The following PCDH8 variants were observed in gnomAD, a reference collection of about 807,000 sequenced individuals.
PCDH8 encodes protocadherin-8.
Under a neutral mutation model 58.2 loss-of-function variants are expected in PCDH8, and 36 were observed. That is an observed-to-expected ratio of 0.62 (90% CI 0.47 to 0.82). PCDH8 has a LOEUF of 0.82. Ranked by LOEUF, PCDH8 falls within the 40% of genes least tolerant of loss-of-function variation. The pLI, the probability that PCDH8 is intolerant of heterozygous loss-of-function variation, is 0.00. For missense variants in PCDH8, 1,493 were observed against 1,567.8 expected (o/e 0.95, Z 0.81); for synonymous variants, 775 against 728.9 (o/e 1.06, Z -1.02).
rs766623736 is a variant in PCDH8 at position 52,844,763 on chromosome 13, A to G, written c.3010T>C (p.Tyr1004His). 1.2e-6 allele frequency: 2 copies of G among 1,613,432 alleles called. No individual in the cohort carries two copies. The part of the protein sequence containing the change: ...PRDPLRRDNY[Y>H]QAQLPKTVGL... ...ACTGTCTTGGGCAGCTGGGCCTGGT[A>G]GTAATTGTCCCTGCGCAGAGGATCC... Residue 1004 changes from tyrosine (Y) to histidine (H), a missense_variant, in exon 3 of 3, where the codon TAC becomes CAC. This residue lies in a region of PCDH8 where 182 missense variants were observed against 178.9 expected (regional missense o/e 1.02). Transcript: ENST00000377942.
chr13:52,844,946 G>A lies in PCDH8; in HGVS notation c.2840-13C>T. On this transcript the variant is annotated splice_polypyrimidine_tract_variant and intron_variant, in intron 2 of 2. Transcript: ENST00000377942. Reference sequence around the variant, plus strand: ...CACGCCCACAGTCCTAATACGAAAGGGAAAAGGAAACAGCATGACGATTAT... The same window carrying A: ...CACGCCCACAGTCCTAATACGAAAGAGAAAAGGAAACAGCATGACGATTAT... 1 of 1,510,072 alleles carries A rather than the reference G, an allele frequency of 6.6e-7. No individual in the cohort carries two copies. Among genetic ancestry groups the A allele is most frequent in the Non-Finnish European group, 8.9e-7 (1 of 1,129,926 alleles). 93.5% of individuals were successfully genotyped at this position (1,510,072 alleles called of 1,614,324 possible).
chr13:52,846,704 C>T lies in PCDH8; in HGVS notation c.1733G>A (p.Arg578His). The T allele has an allele frequency of 6.3e-7, 1 of 1,598,004 alleles. No individual in the cohort carries two copies. The highest frequency in any genetic ancestry group is 1.1e-5 in the South Asian group (1 of 89,676). ...GGAGCCGCCGTCGCTAGCTTGGATG[C>T]GAACGTCGAGTTGGCGCAGCGTCTC... is the stretch of plus-strand genomic sequence containing the variant. ...DYETLRQLDV[R>H]IQASDGGSPQ... Residue 578 changes from arginine (R) to histidine (H), a missense_variant, in exon 1 of 3, where the codon CGC (arginine) becomes CAC (histidine). Around this residue, in one of 3 missense-constraint regions of PCDH8, gnomAD observed 1,307 missense variants for 1,362.7 expected, o/e 0.96. Transcript: ENST00000377942.
chr13:52,847,275 C>A lies in PCDH8; in HGVS notation c.1162G>T (p.Ala388Ser). The A allele has an allele frequency of 7.3e-7, 1 of 1,379,222 alleles. No homozygotes were observed. The highest frequency in any genetic ancestry group is 9.3e-7 in the Non-Finnish European group (1 of 1,072,874). The allele number at this position is 1,379,222 out of a possible 1,614,324, so 85.4% of individuals were successfully genotyped here. ...ALGGADASSP[A>S]GAGTPEAGAT... The stretch of plus-strand genomic sequence containing the variant: ...CCAGCCTCCGGCGTCCCGGCTCCCG[C>A]CGGCGAGCTAGCGTCCGCTCCCCCG... The change falls in exon 1 of 3, where the codon GCG becomes TCG. Residue 388 changes from alanine to serine, a missense_variant. Around this residue, in one of 3 missense-constraint regions of PCDH8, gnomAD observed 1,307 missense variants for 1,362.7 expected, o/e 0.96. Coordinates refer to ENST00000377942, the MANE Select transcript of PCDH8 (RefSeq NM_002590.4).
rs1566265304 is a variant in PCDH8 at position 52,846,525 on chromosome 13, C to A, written c.1912G>T (p.Ala638Ser). Residue 638 changes from alanine to serine, a missense_variant, in exon 1 of 3, where the codon GCC (alanine) becomes TCC (serine). Ala to Ser is a moderately conservative substitution (Grantham distance 99, BLOSUM62 1). Coordinates refer to ENST00000377942, the MANE Select transcript of PCDH8 (RefSeq NM_002590.4). ...TTGGCTCCCTCGTCTGCATCCCGGGCCTGCACACGGGCCACAACCGTGTCC... is the reference window on the plus strand; with the variant it reads ...TTGGCTCCCTCGTCTGCATCCCGGGACTGCACACGGGCCACAACCGTGTCC... ...AKDTVVARVQARDADEGANGE... is the reference protein window; with the variant it reads ...AKDTVVARVQSRDADEGANGE... The A allele has an allele frequency of 6.3e-7, 1 of 1,597,674 alleles. No individual in the cohort carries two copies. The highest frequency in any genetic ancestry group is 1.7e-5 in the Admixed American group (1 of 59,758).
chr13:52,844,596 G>C lies in PCDH8; in HGVS notation c.3177C>G (p.Tyr1059Ter). ...VPLYQSPPGRYLSPKKGANEN... is the reference protein window; with the variant it reads ...VPLYQSPPGR ...CATTGGCTCCCTTCTTCGGGGACAG[G>C]TACCTGCCAGGAGGGGACTGGTAGA... is the stretch of plus-strand genomic sequence containing the variant. The change falls in exon 3 of 3, where the codon TAC becomes TAG. Residue 1059 changes from tyrosine to a stop codon, truncating the protein, a stop_gained. Transcript: ENST00000377942. LOFTEE classifies it high-confidence loss of function. 1.9e-6 allele frequency: 3 copies of C among 1,606,138 alleles called. No homozygotes were observed. Among genetic ancestry groups the C allele is most frequent in the Non-Finnish European group, 2.6e-6 (3 of 1,175,630 alleles).
chr13:52,844,084 G>C lies in PCDH8; in HGVS notation c.*476C>G, dbSNP rs545192193. The C allele has an allele frequency of 6.5e-6, 1 of 152,826 alleles. No individual in the cohort carries two copies. The highest frequency in any genetic ancestry group is 2.4e-5 in the African/African-American group (1 of 41,564). 9.5% of individuals were successfully genotyped at this position (152,826 alleles called of 1,614,324 possible). On this transcript the variant is annotated 3_prime_UTR_variant, in exon 3 of 3. Coordinates refer to ENST00000377942, the MANE Select transcript of PCDH8 (RefSeq NM_002590.4). The stretch of plus-strand genomic sequence containing the variant: ...AACTTGAAATCTACCACAGAGTCAA[G>C]ATATACAAGTTATACTTGGCAAGGC...
chr13:52,846,873 G>C lies in PCDH8; in HGVS notation c.1564C>G (p.Arg522Gly). The change falls in exon 1 of 3, where the codon CGC (arginine) becomes GGC (glycine). Residue 522 changes from arginine (R) to glycine (G), a missense_variant. Physicochemically the swap from Arg to Gly is moderately radical, Grantham distance 125 (BLOSUM62 -2). Transcript: ENST00000377942. The part of the protein sequence containing the change: ...PGAYLATVAA[R>G]DRDLGRNGQV... ...CCGTTGCGGCCCAGGTCCCGGTCGCGGGCGGCCACCGTGGCCAGGTAGGCG... is the reference window on the plus strand; with the variant it reads ...CCGTTGCGGCCCAGGTCCCGGTCGCCGGCGGCCACCGTGGCCAGGTAGGCG... 1 of 1,553,070 alleles carries C rather than the reference G, an allele frequency of 6.4e-7. No individual in the cohort carries two copies. Among genetic ancestry groups the C allele is most frequent in the South Asian group, 1.2e-5 (1 of 85,290 alleles).
In PCDH8 at chr13:52,847,250, C is replaced by G; in HGVS notation, c.1187G>C (p.Gly396Ala). ...SPAGAGTPEAGATSLVPEGAA... is the reference protein window; with the variant it reads ...SPAGAGTPEAAATSLVPEGAA... ...CCCCTCCGGCACCAGCGAAGTGGCA[C>G]CAGCCTCCGGCGTCCCGGCTCCCGC... is the stretch of plus-strand genomic sequence containing the variant. The change falls in exon 1 of 3, where the codon GGT becomes GCT. Residue 396 changes from glycine to alanine, a missense_variant. Gly to Ala is a moderately conservative substitution (Grantham distance 60). Coordinates refer to ENST00000377942, the MANE Select transcript of PCDH8 (RefSeq NM_002590.4). The G allele has an allele frequency of 7.2e-7, 1 of 1,383,480 alleles. No individual in the cohort carries two copies. The highest frequency in any genetic ancestry group is 9.3e-7 in the Non-Finnish European group (1 of 1,075,532). The allele number at this position is 1,383,480 out of a possible 1,614,324, so 85.7% of individuals were successfully genotyped here.
Position 52,847,004 on chromosome 13 carries a change from C to T in PCDH8, c.1433G>A (p.Arg478His). 1.9e-6 allele frequency: 3 copies of T among 1,573,842 alleles called. No homozygotes were observed. Among genetic ancestry groups the T allele is most frequent in the African/African-American group, 1.4e-5 (1 of 72,850 alleles). Reference sequence around the variant, plus strand: ...ACGCACCGTGTAGGGCCGCACTGTGCGCAGCGGGGGCGCGCCGCGATCCTC... The same window carrying T: ...ACGCACCGTGTAGGGCCGCACTGTGTGCAGCGGGGGCGCGCCGCGATCCTC... Reference protein sequence around the residue: ...VAEDRGAPPLRTVRPYTVRVG... With the variant: ...VAEDRGAPPLHTVRPYTVRVG... Residue 478 changes from arginine (R) to histidine (H), a missense_variant, in exon 1 of 3, where the codon CGC (arginine) becomes CAC (histidine). Coordinates refer to ENST00000377942, the MANE Select transcript of PCDH8 (RefSeq NM_002590.4).
rs2138352336 is a variant in PCDH8 at position 52,844,887 on chromosome 13, G to A, written c.2886C>T (p.Asp962=). 1 of 1,574,174 alleles carries A rather than the reference G, an allele frequency of 6.4e-7. No homozygotes were observed. Among genetic ancestry groups the A allele is most frequent in the African/African-American group, 1.3e-5 (1 of 74,352 alleles). Residue 962 remains aspartate (D), a synonymous_variant, in exon 3 of 3, where the codon GAC becomes GAT. Coordinates refer to ENST00000377942, the MANE Select transcript of PCDH8 (RefSeq NM_002590.4). The part of the protein sequence containing the change: ...TAECKILGHS[D]RCWSPSCSGP... Reference sequence around the variant, plus strand: ...CGCTGCAGGATGGGCTCCAGCAGCGGTCAGAGTGGCCCAGGATCTTACACT... The same window carrying A: ...CGCTGCAGGATGGGCTCCAGCAGCGATCAGAGTGGCCCAGGATCTTACACT...
Position 52,848,240 on chromosome 13 carries a change from A to C in PCDH8, c.197T>G (p.Met66Arg), listed in dbSNP as rs750387992. 6.2e-7 allele frequency: 1 copy of C among 1,613,554 alleles called. No homozygotes were observed. The highest frequency in any genetic ancestry group is 1.7e-5 in the Admixed American group (1 of 60,012). Residue 66 changes from methionine to arginine, a missense_variant, in exon 1 of 3, where the codon ATG becomes AGG. Physicochemically the swap from Met to Arg is moderately conservative, Grantham distance 91 (BLOSUM62 -1). Coordinates refer to ENST00000377942, the MANE Select transcript of PCDH8 (RefSeq NM_002590.4). ...KVSGDTSFRLMKQFNSSLLRV... is the reference protein window; with the variant it reads ...KVSGDTSFRLRKQFNSSLLRV... ...GAGCAGAGAGCTGTTGAATTGCTTC[A>C]TCAGGCGGAAGCTTGTGTCACCCGA...
chr13:52,845,324 A>G (rs1965711202), intron 2 of PCDH8, 101 bp downstream of exon 2: 1 of 1,084,124 alleles, frequency 9.2e-7, no homozygotes, highest in East Asian at 2.5e-5. Flanking sequence ...AAAGTGGGGA[A>G]GAGGGAAGGG....
Position 52,844,732 on chromosome 13 carries a change from A to T in PCDH8, c.3041T>A (p.Leu1014Gln). ...CAGTACTTTCTCATAGACGCTCTGC[A>T]GCCCCACTGTCTTGGGCAGCTGGGC... ...YQAQLPKTVG[L>Q]QSVYEKVLHR... is the part of the protein sequence containing the mutation. Residue 1014 changes from leucine to glutamine, a missense_variant, in exon 3 of 3, where the codon CTG (leucine) becomes CAG (glutamine). By Grantham distance (113) the Leu-to-Gln change is moderately radical. Coordinates refer to ENST00000377942, the MANE Select transcript of PCDH8 (RefSeq NM_002590.4). The T allele has an allele frequency of 6.2e-7, 1 of 1,613,958 alleles. No homozygotes were observed. The highest frequency in any genetic ancestry group is 1.1e-5 in the South Asian group (1 of 91,062).
intron 1 of PCDH8, 58 bp downstream of exon 1, chr13:52,845,748 T>A: frequency 6.6e-7 from 1 of 1,510,042 alleles, no homozygotes; most frequent in Non-Finnish European, 8.8e-7. Context: ...CCAGTCTCCC[T>A]TCCCCCAGCC....
rs373398146 is a variant in PCDH8, at chr13:52,846,800, C to T, written c.1637G>A (p.Gly546Asp). The part of the protein sequence containing the change: ...LLEAEVGRAG[G>D]AVSTYVSVDP... ...CACCGAGACATAAGTGGACACGGCG[C>T]CCCCGGCGCGGCCCACCTCGGCCTC... Residue 546 changes from glycine to aspartate, a missense_variant, in exon 1 of 3, where the codon GGC becomes GAC. By Grantham distance (94) the Gly-to-Asp change is moderately conservative. Coordinates refer to ENST00000377942, the MANE Select transcript of PCDH8 (RefSeq NM_002590.4). 49 of 1,554,314 alleles carry T rather than the reference C, an allele frequency of 3.2e-5. No homozygotes were observed. Among genetic ancestry groups the T allele is most frequent in the African/African-American group, 1.4e-4 (10 of 73,754 alleles).
chr13:52,847,258 C>T lies in PCDH8; in HGVS notation c.1179G>A (p.Pro393=). The T allele has an allele frequency of 7.3e-6, 10 of 1,376,980 alleles. No homozygotes were observed. Among genetic ancestry groups the T allele is most frequent in the Non-Finnish European group, 8.4e-6 (9 of 1,071,834 alleles). 85.3% of individuals were successfully genotyped at this position (1,376,980 alleles called of 1,614,324 possible). The change falls in exon 1 of 3, where the codon CCG becomes CCA. Residue 393 remains proline, a synonymous_variant. Coordinates refer to ENST00000377942, the MANE Select transcript of PCDH8 (RefSeq NM_002590.4). ...GCACCAGCGAAGTGGCACCAGCCTC[C>T]GGCGTCCCGGCTCCCGCCGGCGAGC... ...DASSPAGAGT[P]EAGATSLVPE...
rs771709694 is a variant in PCDH8 at position 52,844,572 on chromosome 13, A to C, written c.3201T>G (p.Asn1067Lys). ...ATGCAGCATGGGATTACACATTTTC[A>C]TTGGCTCCCTTCTTCGGGGACAGGT... ...GRYLSPKKGA[N>K]ENV The change falls in exon 3 of 3, where the codon AAT becomes AAG. Residue 1067 changes from asparagine to lysine, a missense_variant. By Grantham distance (94) the Asn-to-Lys change is moderately conservative. Transcript: ENST00000377942. The C allele has an allele frequency of 1.3e-6, 2 of 1,589,898 alleles. No homozygotes were observed. The highest frequency in any genetic ancestry group is 1.7e-6 in the Non-Finnish European group (2 of 1,167,516).
chr13:52,846,294 C>G lies in PCDH8; in HGVS notation c.2143G>C (p.Gly715Arg), dbSNP rs1362773228. 3 of 1,574,022 alleles carry G rather than the reference C, an allele frequency of 1.9e-6. No homozygotes were observed. The highest frequency in any genetic ancestry group is 2.6e-6 in the Non-Finnish European group (3 of 1,165,064). ...CTGGCAGGCGCAGCCGGCCCACGCC[C>G]GCCCCCTGCTGTTACCACGAAGCTG... ...TVSFVVTAGGGRGPAAPASAG... is the reference protein window; with the variant it reads ...TVSFVVTAGGRRGPAAPASAG... The change falls in exon 1 of 3, where the codon GGG becomes CGG. Residue 715 changes from glycine (G) to arginine (R), a missense_variant. By Grantham distance (125) the Gly-to-Arg change is moderately radical. Transcript: ENST00000377942.
In PCDH8 at chr13:52,847,105, C is replaced by A. The variant is rs373654583; in HGVS notation, c.1332G>T (p.Ala444=). 6.4e-7 allele frequency: 1 copy of A among 1,559,062 alleles called. No homozygotes were observed. Among genetic ancestry groups the A allele is most frequent in the Non-Finnish European group, 8.6e-7 (1 of 1,159,030 alleles). The part of the protein sequence containing the change: ...HEHFRLQPAY[A]GSYLVVTAAS... ...CCGCGGTCACCACCAGGTAGCTGCC[C>A]GCGTAGGCCGGCTGCAGCCGGAAGT... Residue 444 remains alanine (A), a synonymous_variant, in exon 1 of 3, where the codon GCG becomes GCT. Coordinates refer to ENST00000377942, the MANE Select transcript of PCDH8 (RefSeq NM_002590.4).
Sources: gnomAD v4.1 joint callset for allele counts on GRCh38, gnomAD v4.1.1 for gene constraint, gnomAD v4.1.1 regional missense constraint, MANE v1.5 for transcripts, NCBI Gene and HGNC (gene_info 2026-07-23, HGNC 2026-07-21) for gene names.